ALK: variants seen among roughly 807,000 people sequenced by gnomAD.
ALK encodes the protein ALK receptor tyrosine kinase, also known as ALK tyrosine kinase receptor.
A neutral mutation model predicts 163.1 loss-of-function variants in ALK; 74 were observed. The observed-to-expected ratio is 0.45, with a 90% CI of 0.38 to 0.55. The LOEUF is 0.55. Ranked by LOEUF, ALK falls within the 20% of genes least tolerant of loss-of-function variation. ALK has a pLI of 0.00. For missense variants in ALK, 2,063 were observed against 2,105.3 expected, an observed-to-expected ratio of 0.98 and a Z score of 0.39; for synonymous variants, 960 against 843.2, an observed-to-expected ratio of 1.14 and a Z score of -2.40.
chr2:29,889,733 G>C (rs994661934), intron 1 of ALK, among the ~76,000 whole-genome samples: 283 of 146,458 alleles, frequency 1.9e-3, no homozygotes, highest in Non-Finnish European at 2.9e-3. Flanking sequence ...GAGAGAGAGA[G>C]AGAGAGAGAG....
chr2:29,591,801 G>T (rs923518446), intron 3 of ALK, among the ~76,000 whole-genome samples: 2 of 151,822 alleles, frequency 1.3e-5, no homozygotes, highest in Non-Finnish European at 2.9e-5. Context: ...CATCATCCCT[G>T]AGTGGCAGAA....
intron 3 of ALK, among the ~76,000 whole-genome samples, chr2:29,535,286 C>T (rs1445015321): frequency 2.0e-5 from 3 of 152,158 alleles, no homozygotes; most frequent in African/African-American, 7.2e-5. Context: ...TATTATGCAT[C>T]TTGTTGATAT....
intron 9 of ALK, among the ~76,000 whole-genome samples, chr2:29,275,847 C>G (rs1363284690): frequency 6.6e-6 from 1 of 152,108 alleles, no homozygotes; most frequent in African/African-American, 2.4e-5. Flanking sequence ...CTGACAGTAA[C>G]TGCTTCGTTC....
chr2:29,232,327 A>G lies in ALK; in HGVS notation c.2609T>C (p.Leu870Pro), dbSNP rs1279549141. 5.0e-6 allele frequency: 8 copies of G among 1,614,134 alleles called. No homozygotes were observed. The Admixed American group carries it at 6.7e-5, about 13-fold the overall frequency. ...RLENNSSVLG[L>P]NGNSGAAGGG... ...ACCTGCGGCTCCGGAATTGCCGTTT[A>G]GCCCTAGAACCGAGGAGTTATTCTC... Residue 870 changes from leucine (L) to proline (P), a missense_variant, in exon 15 of 29, where the codon CTA becomes CCA. By Grantham distance (98) the Leu-to-Pro change is moderately conservative. This residue lies in a region of ALK where 575 missense variants were observed against 626.6 expected (regional missense o/e 0.92). Coordinates refer to ENST00000389048, the MANE Select transcript of ALK (RefSeq NM_004304.5).
intron 3 of ALK, among the ~76,000 whole-genome samples, chr2:29,687,324 G>A (rs1217061652): frequency 6.6e-6 from 1 of 151,852 alleles, no homozygotes; most frequent in African/African-American, 2.4e-5. Context: ...GGACTTGGGA[G>A]CCCATGCCAG....
chr2:29,555,951 G>C (rs1043608000), intron 3 of ALK, among the ~76,000 whole-genome samples: 4 of 152,200 alleles, frequency 2.6e-5, no homozygotes, highest in African/African-American at 9.7e-5. Context: ...ACTGTTAAAA[G>C]TATAATCTTG....
At chr2:29,857,991 T>C (rs1236169241) in intron 1 of ALK, among the ~76,000 whole-genome samples, 1 of 152,236 alleles carries the variant, frequency 6.6e-6, no homozygotes, top group Non-Finnish European at 1.5e-5. Context: ...ATACTGACAT[T>C]GATACAATCC....
At chr2:29,499,517 G>C (rs1026497600) in intron 4 of ALK, among the ~76,000 whole-genome samples, 4 of 152,054 alleles carry the variant, frequency 2.6e-5, no homozygotes, top group African/African-American at 9.7e-5. Context: ...CTACGTTCAG[G>C]TTGAGGGCTG....
chr2:29,581,711 G>C (rs1320761386), intron 3 of ALK, among the ~76,000 whole-genome samples: 1 of 152,156 alleles, frequency 6.6e-6, no homozygotes, highest in Non-Finnish European at 1.5e-5. Context: ...TAGATGACCA[G>C]GGCAGTGAGG....
At chr2:29,408,036 T>A (rs1167571292) in intron 4 of ALK, among the ~76,000 whole-genome samples, 1 of 151,294 alleles carries the variant, frequency 6.6e-6, no homozygotes, top group South Asian at 2.1e-4. Context: ...AGGCTACAGG[T>A]GGGCCTGGGA....
At chr2:29,196,965 C>T (rs1272514324) in intron 27 of ALK, 105 bp from the exon 28 acceptor site, 20 of 895,180 alleles carry the variant, frequency 2.2e-5, no homozygotes, top group Middle Eastern at 2.2e-4. Flanking sequence ...GGTGCGAACT[C>T]GTCTAGGCCC....
chr2:29,906,142 G>C (rs1007930633), intron 1 of ALK, among the ~76,000 whole-genome samples: 5 of 152,102 alleles, frequency 3.3e-5, no homozygotes, highest in African/African-American at 1.2e-4. Context: ...TGGGGCAGGG[G>C]GGAAGAAGCA....
chr2:29,643,309 C>T (rs11127233), intron 3 of ALK, among the ~76,000 whole-genome samples: 94,166 of 152,084 alleles, frequency 0.62, 30,081 homozygotes, highest in East Asian at 0.73. Context: ...CTGGTTACCA[C>T]ATATAGTGTG....
At chr2:29,828,685 G>A (rs918388232) in intron 1 of ALK, among the ~76,000 whole-genome samples, 1 of 152,156 alleles carries the variant, frequency 6.6e-6, no homozygotes, top group Admixed American at 6.5e-5. Flanking sequence ...GAGAGGATGT[G>A]GAGAAATAGG....
intron 3 of ALK, among the ~76,000 whole-genome samples, chr2:29,668,839 A>G (rs1390169489): frequency 6.6e-6 from 1 of 152,104 alleles, no homozygotes; most frequent in Non-Finnish European, 1.5e-5. Context: ...ATCATGGTGG[A>G]AGGCAAAGGA....
chr2:29,669,540 C>G (rs1325735708), intron 3 of ALK, among the ~76,000 whole-genome samples: 2 of 151,852 alleles, frequency 1.3e-5, no homozygotes, highest in African/African-American at 4.8e-5. Flanking sequence ...AATTTTATTT[C>G]TTTATCCATT....
At chr2:29,531,657 C>T (rs151044522) in intron 4 of ALK, among the ~76,000 whole-genome samples, 140 of 152,274 alleles carry the variant, frequency 9.2e-4, no homozygotes, top group Non-Finnish European at 1.7e-3. Flanking sequence ...ACATCTTTAA[C>T]ACCCACTCAT....
At chr2:29,900,825 G>A (rs565063266) in intron 1 of ALK, among the ~76,000 whole-genome samples, 8 of 152,304 alleles carry the variant, frequency 5.3e-5, no homozygotes, top group African/African-American at 1.2e-4. Context: ...CCCACTATGA[G>A]AGGTAGAGAA....
intron 1 of ALK, among the ~76,000 whole-genome samples, chr2:29,775,880 A>C (rs552069226): frequency 6.6e-6 from 1 of 152,250 alleles, no homozygotes; most frequent in Non-Finnish European, 1.5e-5. Context: ...AAGGAGAATC[A>C]TAAAGGTCAG....
Sources: gnomAD v4.1 joint callset for allele counts (sites outside exome capture counted in the v4.1 genomes callset) on GRCh38, gnomAD v4.1.1 for gene constraint, gnomAD v4.1.1 regional missense constraint, MANE v1.5 for transcripts, NCBI Gene and HGNC (gene_info 2026-07-23, HGNC 2026-07-21) for gene names.